The following ANKHD1 variants were observed in gnomAD, a reference collection of about 807,000 sequenced individuals.
ANKHD1 encodes the protein ankyrin repeat and KH domain containing 1.
ANKHD1 carries 31 observed loss-of-function variants against 230.5 expected under a neutral mutation model. The ratio of observed to expected loss-of-function variants is 0.13; its 90% CI spans 0.10 to 0.18. The LOEUF (loss-of-function observed/expected upper bound fraction) is 0.18, where lower values mean the gene tolerates loss of function less well. ANKHD1 is among the 10% of genes least tolerant of loss of function. ANKHD1 has a pLI of 1.00. For missense variants in ANKHD1, 2,256 were observed against 3,071.3 expected (o/e 0.73, Z 6.27); for synonymous variants, 1,074 against 1,117.6 (o/e 0.96, Z 0.78).
intron 7 of ANKHD1, among the ~76,000 whole-genome samples, chr5:140,455,469 A>G (rs1775102699): frequency 6.6e-6 from 1 of 152,190 alleles, no homozygotes; most frequent in African/African-American, 2.4e-5. Flanking sequence ...TCCTCAATAA[A>G]ATACTGGCAA....
At chr5:140,435,722 A>G (rs1448257849) in intron 1 of ANKHD1, among the ~76,000 whole-genome samples, 1 of 151,404 alleles carries the variant, frequency 6.6e-6, no homozygotes, top group Non-Finnish European at 1.5e-5. Flanking sequence ...TTTAATAGAT[A>G]TGGGGTTTCA....
chr5:140,510,459 T>C (rs1336501072), intron 22 of ANKHD1, among the ~76,000 whole-genome samples: 1 of 151,562 alleles, frequency 6.6e-6, no homozygotes, highest in South Asian at 2.1e-4. Flanking sequence ...ATTACAGGCA[T>C]GCGTCACCAC....
intron 29 of ANKHD1, among the ~76,000 whole-genome samples, chr5:140,530,877 T>C (rs1753781875): frequency 6.6e-6 from 1 of 152,272 alleles, no homozygotes. Context: ...TTTAAAATTA[T>C]TTGTGAGTTA....
chr5:140,406,684 G>C (rs1485396251), intron 1 of ANKHD1, among the ~76,000 whole-genome samples: 1 of 151,576 alleles, frequency 6.6e-6, no homozygotes, highest in East Asian at 2.0e-4. Context: ...ACAAGTGCGT[G>C]CCACCATGCC....
chr5:140,529,833 C>G (rs780425399), intron 29 of ANKHD1, 37 bp downstream of exon 29: 3 of 1,600,196 alleles, frequency 1.9e-6, no homozygotes, highest in Non-Finnish European at 2.6e-6. Flanking sequence ...GAGTTTGGAG[C>G]TCCTATGGCC....
In ANKHD1 at chr5:140,401,846, T is replaced by C; in HGVS notation, c.-122T>C. The stretch of plus-strand genomic sequence containing the variant: ...AGCAGGTTAGGCAGTGAGAAGTTAG[T>C]GGCGCTGCTGGGACGGGGGAAAGGA... On this transcript the variant is annotated 5_prime_UTR_variant, in exon 1 of 34. Transcript: ENST00000360839. 7.2e-7 allele frequency: 1 copy of C among 1,393,274 alleles called. No individual in the cohort carries two copies. The highest frequency in any genetic ancestry group is 9.3e-7 in the Non-Finnish European group (1 of 1,076,464). 86.3% of individuals were successfully genotyped at this position (1,393,274 alleles called of 1,614,324 possible). A position where few individuals can be genotyped will look rare whatever the true frequency, so the allele number is the denominator to read the frequency against.
chr5:140,485,874 A>G lies in ANKHD1; in HGVS notation c.2142+142A>G. Reference sequence around the variant, plus strand: ...AGAAAATCATGACTCTAAATTCTTTAGGATTTATTTTCTTTAAAGGTACAC... The same window carrying G: ...AGAAAATCATGACTCTAAATTCTTTGGGATTTATTTTCTTTAAAGGTACAC... On this transcript the variant is annotated intron_variant, in intron 13 of 33. Transcript: ENST00000360839. This position sits in a 1 kb window ranked among gnomAD's most constrained non-coding sequence, Gnocchi z 4.8. 7.8e-7 allele frequency: 1 copy of G among 1,285,486 alleles called. No homozygotes were observed. Among genetic ancestry groups the G allele is most frequent in the Middle Eastern group, 2.1e-4 (1 of 4,722 alleles). The allele number at this position is 1,285,486 out of a possible 1,614,324, so 79.6% of individuals were successfully genotyped here.
chr5:140,433,916 T>G (rs1773253236), intron 1 of ANKHD1, among the ~76,000 whole-genome samples: 1 of 152,208 alleles, frequency 6.6e-6, no homozygotes, highest in African/African-American at 2.4e-5. Context: ...AGCTGTTGTA[T>G]GAGCAGTTGC....
chr5:140,402,368 G>A (rs1007380881), intron 1 of ANKHD1, 95 bp downstream of exon 1: 20 of 1,373,000 alleles, frequency 1.5e-5, no homozygotes, highest in Middle Eastern at 2.6e-4. Flanking sequence ...CTTCCCTGGT[G>A]GAGCCCTTCT....
At chr5:140,407,859 TG>T (rs1191956349) in intron 1 of ANKHD1, among the ~76,000 whole-genome samples, 1 of 152,098 alleles carries the variant, frequency 6.6e-6, no homozygotes, top group Non-Finnish European at 1.5e-5. Flanking sequence ...TGTATGTGTG[TG>T]TGTGACGGCC....
At chr5:140,475,477 T>A (rs1247726051) in intron 10 of ANKHD1, among the ~76,000 whole-genome samples, 1 of 151,996 alleles carries the variant, frequency 6.6e-6, no homozygotes, top group Non-Finnish European at 1.5e-5. Context: ...GATAAAAAAA[T>A]ATTTGATCAA....
rs911186697 is a variant in ANKHD1 at position 140,507,116 on chromosome 5, G to A, written c.3551+139G>A. 1 of 1,267,904 alleles carries A rather than the reference G, an allele frequency of 7.9e-7. No individual in the cohort carries two copies. The highest frequency in any genetic ancestry group is 2.5e-5 in the East Asian group (1 of 40,644). 78.5% of individuals were successfully genotyped at this position (1,267,904 alleles called of 1,614,324 possible). On this transcript the variant is annotated intron_variant, in intron 19 of 33. Coordinates refer to ENST00000360839, the MANE Select transcript of ANKHD1 (RefSeq NM_017747.3). This position sits in a 1 kb window ranked among gnomAD's most constrained non-coding sequence, Gnocchi z 4.1. ...CAAAGCCAACGATTATACCTATAAT[G>A]TGTTTGTTTATAAGTAATCTCAGCT...
At chr5:140,503,973 G>T (rs1290676604) in intron 15 of ANKHD1, among the ~76,000 whole-genome samples, 1 of 152,080 alleles carries the variant, frequency 6.6e-6, no homozygotes, top group East Asian at 1.9e-4. Context: ...TTTTAACAAA[G>T]TTTCAAAATA....
chr5:140,500,159 G>A (rs1261537457), intron 15 of ANKHD1, among the ~76,000 whole-genome samples: 1 of 152,060 alleles, frequency 6.6e-6, no homozygotes, highest in Non-Finnish European at 1.5e-5. Flanking sequence ...GTGAGCCACC[G>A]CGCCTGGCCA....
intron 1 of ANKHD1, among the ~76,000 whole-genome samples, chr5:140,403,193 T>C (rs181216828): frequency 5.5e-4 from 84 of 152,044 alleles, no homozygotes; most frequent in African/African-American, 8.7e-4. Flanking sequence ...GGTCTCGAAC[T>C]CCTGACCTCA....
intron 1 of ANKHD1, among the ~76,000 whole-genome samples, chr5:140,425,119 T>G (rs1038204850): frequency 4.6e-5 from 7 of 152,246 alleles, no homozygotes; most frequent in Admixed American, 1.3e-4. Flanking sequence ...AGCTATAGTT[T>G]AAAAATGAAG....
chr5:140,471,112 G>C (rs912486905), intron 10 of ANKHD1, among the ~76,000 whole-genome samples: 2 of 152,054 alleles, frequency 1.3e-5, no homozygotes, highest in African/African-American at 4.8e-5. Context: ...TTTCTTTTGA[G>C]TGTCATGTCA....
In ANKHD1 at chr5:140,539,442, C is replaced by A. The variant is rs189232028; in HGVS notation, c.*24C>A. 8 of 1,606,884 alleles carry A rather than the reference C, an allele frequency of 5.0e-6. No homozygotes were observed. Among genetic ancestry groups the A allele is most frequent in the Non-Finnish European group, 8.5e-7 (1 of 1,176,736 alleles). On this transcript the variant is annotated 3_prime_UTR_variant, in exon 34 of 34. Coordinates refer to ENST00000360839, the MANE Select transcript of ANKHD1 (RefSeq NM_017747.3). Reference sequence around the variant, plus strand: ...AAGTTAGAAGGTCTTTACTCTTTAGCCTTGTTTAAGAAACCTATGACCTTG... The same window carrying A: ...AAGTTAGAAGGTCTTTACTCTTTAGACTTGTTTAAGAAACCTATGACCTTG...
intron 1 of ANKHD1, among the ~76,000 whole-genome samples, chr5:140,433,124 A>G (rs1035295656): frequency 6.7e-6 from 1 of 150,012 alleles, no homozygotes; most frequent in Non-Finnish European, 1.5e-5. Flanking sequence ...GCTGGAGTGC[A>G]GTGCCACAGT....
Sources: gnomAD v4.1 joint callset for allele counts (sites outside exome capture counted in the v4.1 genomes callset) on GRCh38, gnomAD v4.1.1 for gene constraint, Gnocchi (gnomAD v3.1) non-coding constraint, MANE v1.5 for transcripts, NCBI Gene and HGNC (gene_info 2026-07-23, HGNC 2026-07-21) for gene names.